DYM: variants seen among roughly 807,000 people sequenced by gnomAD.
The protein encoded by DYM is dymeclin, also known as dyggve-Melchior-Clausen syndrome protein.
Under a neutral mutation model 93.1 loss-of-function variants are expected in DYM, and 78 were observed. That is an observed-to-expected ratio of 0.84 (90% CI 0.70 to 1.01). The LOEUF (loss-of-function observed/expected upper bound fraction) is 1.01, where lower values mean the gene tolerates loss of function less well. Among genes scored for constraint, DYM ranks in the 50% least tolerant of loss-of-function variants. The pLI is 0.00. For synonymous variants in DYM, 321 were observed against 319.7 expected, an observed-to-expected ratio of 1.00 and a Z score of -0.04; for missense variants, 789 against 845.0, an observed-to-expected ratio of 0.93 and a Z score of 0.82.
At chr18:49,338,640 G>A (rs541888620) in intron 6 of DYM, among the ~76,000 whole-genome samples, 4 of 152,226 alleles carry the variant, frequency 2.6e-5, no homozygotes, top group African/African-American at 9.6e-5. Context: ...TAAAGATTAC[G>A]ATTACTCCAC....
At chr18:49,241,100 T>TTA (rs1412670517) in intron 13 of DYM, among the ~76,000 whole-genome samples, 2 of 152,184 alleles carry the variant, frequency 1.3e-5, no homozygotes, top group African/African-American at 4.8e-5. Flanking sequence ...TGATGTCTTA[T>TTA]TATAAAAGGC....
intron 5 of DYM, 90 bp downstream of exon 5, chr18:49,378,477 G>T: frequency 7.9e-7 from 1 of 1,262,706 alleles, no homozygotes; most frequent in African/African-American, 1.5e-5. Flanking sequence ...AGGATAACTG[G>T]AATTTTCAAA....
intron 1 of DYM, among the ~76,000 whole-genome samples, chr18:49,457,426 GCTTT>G (rs2083079307): frequency 6.6e-6 from 1 of 152,100 alleles, no homozygotes; most frequent in Non-Finnish European, 1.5e-5. Flanking sequence ...GAGCTGTATT[GCTTT>G]TATACTTAAA....
At chr18:49,182,549 T>A (rs1436398568) in intron 14 of DYM, among the ~76,000 whole-genome samples, 1 of 152,228 alleles carries the variant, frequency 6.6e-6, no homozygotes, top group Admixed American at 6.5e-5. Flanking sequence ...ATTCTGGTGA[T>A]GTTTCCTCTC....
At position 49,043,698 on chromosome 18, in the gene DYM, T is replaced by G. The variant is rs1252254159; in HGVS notation, c.*357A>C. The G allele has an allele frequency of 7.1e-6, 2 of 281,112 alleles. No homozygotes were observed. The highest frequency in any genetic ancestry group is 2.4e-3 in the Middle Eastern group (2 of 836). The allele number at this position is 281,112 out of a possible 1,614,324, so 17.4% of individuals were successfully genotyped here. A position where few individuals can be genotyped will look rare whatever the true frequency, so the allele number is the denominator to read the frequency against. ...CTTTTGAATAGTGTGCACTGTTGAA[T>G]AGTGTGCACTGTTGGATAGTGTGCA... On this transcript the variant is annotated 3_prime_UTR_variant, in exon 18 of 18. Transcript: ENST00000675505.
At chr18:49,384,026 G>A (rs1251416627) in intron 3 of DYM, among the ~76,000 whole-genome samples, 1 of 152,036 alleles carries the variant, frequency 6.6e-6, no homozygotes, top group Non-Finnish European at 1.5e-5. Context: ...GGAAATGCAT[G>A]AATGAAAAGA....
At chr18:49,067,521 G>C (rs1028438378) in intron 17 of DYM, among the ~76,000 whole-genome samples, 2 of 151,978 alleles carry the variant, frequency 1.3e-5, no homozygotes, top group East Asian at 3.9e-4. Context: ...GGGAAGGAGT[G>C]GGGTGATGTG....
At chr18:49,102,344 C>A (rs1235990436) in intron 16 of DYM, among the ~76,000 whole-genome samples, 1 of 152,144 alleles carries the variant, frequency 6.6e-6, no homozygotes, top group Non-Finnish European at 1.5e-5. Context: ...TGTTCTATTT[C>A]CCTTGTAAAC....
chr18:49,391,054 T>C (rs1464106199), intron 3 of DYM, among the ~76,000 whole-genome samples: 1 of 152,202 alleles, frequency 6.6e-6, no homozygotes, highest in East Asian at 1.9e-4. Flanking sequence ...ATGACACACA[T>C]TGTACTGAAT....
At chr18:49,434,888 A>G (rs768537167) in intron 1 of DYM, among the ~76,000 whole-genome samples, 3 of 152,054 alleles carry the variant, frequency 2.0e-5, no homozygotes, top group African/African-American at 4.8e-5. Flanking sequence ...AAAAGAAAAA[A>G]ATTTATAAAC....
At chr18:49,375,369 A>G (rs750649092) in intron 5 of DYM, among the ~76,000 whole-genome samples, 8 of 152,068 alleles carry the variant, frequency 5.3e-5, no homozygotes, top group Non-Finnish European at 1.2e-4. Context: ...TTAATAAATT[A>G]TAACTTGGTA....
intron 1 of DYM, among the ~76,000 whole-genome samples, chr18:49,455,588 A>G (rs1167298757): frequency 2.0e-5 from 3 of 152,244 alleles, no homozygotes; most frequent in Non-Finnish European, 2.9e-5. Context: ...CAAATAAATG[A>G]TAGAACTAGG....
At chr18:49,285,988 T>C (rs1050270265) in intron 9 of DYM, among the ~76,000 whole-genome samples, 3 of 152,158 alleles carry the variant, frequency 2.0e-5, no homozygotes, top group Admixed American at 6.6e-5. Flanking sequence ...GGAGAGACCA[T>C]GTGACTCCAC....
intron 17 of DYM, among the ~76,000 whole-genome samples, chr18:49,094,052 C>T (rs1392221527): frequency 6.6e-6 from 1 of 152,160 alleles, no homozygotes; most frequent in African/African-American, 2.4e-5. Flanking sequence ...TTATTCCACA[C>T]TTTCTTATTT....
At chr18:49,449,294 A>C (rs1010654948) in intron 1 of DYM, among the ~76,000 whole-genome samples, 2 of 152,258 alleles carry the variant, frequency 1.3e-5, no homozygotes, top group African/African-American at 4.8e-5. Context: ...TTACAGCTGA[A>C]GAGCAGGCAG....
At chr18:49,365,009 G>A (rs12606497) in intron 5 of DYM, among the ~76,000 whole-genome samples, 13,882 of 152,046 alleles carry the variant, frequency 0.091, 860 homozygotes, top group East Asian at 0.31. Context: ...AAGCAGGCAG[G>A]CCCCTACTGG....
chr18:49,159,733 T>A (rs1236779362), intron 15 of DYM, among the ~76,000 whole-genome samples: 1 of 152,126 alleles, frequency 6.6e-6, no homozygotes, highest in Non-Finnish European at 1.5e-5. Context: ...TGGAGTTAGG[T>A]GGTAGAGTCA....
intron 2 of DYM, among the ~76,000 whole-genome samples, chr18:49,394,915 T>G (rs1418442051): frequency 6.6e-6 from 1 of 152,160 alleles, no homozygotes; most frequent in Non-Finnish European, 1.5e-5. Context: ...CTTCAACAAA[T>G]GGTACTGTGT....
intron 17 of DYM, among the ~76,000 whole-genome samples, chr18:49,075,302 T>C (rs918563900): frequency 3.9e-5 from 6 of 152,114 alleles, no homozygotes; most frequent in African/African-American, 9.7e-5. Context: ...GTGCAGCCCC[T>C]GAGGAGGAGG....
Sources: allele counts gnomAD v4.1 joint callset (sites outside exome capture counted in the v4.1 genomes callset), GRCh38; gene constraint gnomAD v4.1.1; transcripts MANE v1.5; gene names NCBI Gene and HGNC (gene_info 2026-07-23, HGNC 2026-07-21).